The following INVS variants were observed in gnomAD, a reference collection of about 807,000 sequenced individuals.
INVS encodes the protein inversin.
INVS carries 86 observed loss-of-function variants against 108.8 expected under a neutral mutation model. The observed-to-expected ratio is 0.79, with a 90% CI of 0.66 to 0.95. The LOEUF is 0.95. Among genes scored for constraint, INVS ranks in the 40% least tolerant of loss-of-function variants. The probability of loss-of-function intolerance (pLI) is 0.00; values close to 1 mark genes in which losing one functional copy is unlikely to be tolerated. For synonymous variants in INVS, 455 were observed against 473.5 expected (o/e 0.96, Z 0.51); for missense variants, 1,169 against 1,297.4 (o/e 0.90, Z 1.52).
intron 5 of INVS, among the ~76,000 whole-genome samples, chr9:100,237,209 C>A (rs1012322818): frequency 6.6e-6 from 1 of 152,140 alleles, no homozygotes; most frequent in Non-Finnish European, 1.5e-5. Flanking sequence ...CCCCTCCCCC[C>A]ACCACGCTCA....
At position 100,292,464 on chromosome 9, in the gene INVS, C is replaced by CA. The variant is rs1208233698; in HGVS notation, c.2210dup (p.Lys739GlufsTer16). The CA allele has an allele frequency of 6.2e-7, 1 of 1,614,134 alleles. No homozygotes were observed. Among genetic ancestry groups the CA allele is most frequent in the South Asian group, 1.1e-5 (1 of 91,080 alleles). On this transcript the variant is annotated frameshift_variant, in exon 14 of 17. Coordinates refer to ENST00000262457, the MANE Select transcript of INVS (RefSeq NM_014425.5). LOFTEE classifies it high-confidence loss of function. The stretch of plus-strand genomic sequence containing the variant: ...GAGACAGCTGGCGATGAGCGGTGTG[C>CA]AAAGGGGAAAGGCTTCGTGAAGCAG...
chr9:100,242,053 T>G (rs894129339), intron 6 of INVS, among the ~76,000 whole-genome samples: 1 of 152,138 alleles, frequency 6.6e-6, no homozygotes, highest in Non-Finnish European at 1.5e-5. Context: ...TGTTATAAAA[T>G]ATAAATATAA....
chr9:100,281,514 G>GT (rs981869514), intron 12 of INVS, among the ~76,000 whole-genome samples: 4 of 152,092 alleles, frequency 2.6e-5, no homozygotes, highest in African/African-American at 9.7e-5. Flanking sequence ...ATCCCACTCC[G>GT]TTTTTTCTCA....
intron 3 of INVS, among the ~76,000 whole-genome samples, chr9:100,136,977 T>C (rs751232049): frequency 6.6e-6 from 1 of 152,058 alleles, no homozygotes; most frequent in Admixed American, 6.5e-5. Context: ...GAAGCAGTGG[T>C]TGCAGTGAGC....
At chr9:100,161,388 A>AAAAAAAAAAAAAAAAAAAAAAAAC (rs1564138793) in intron 3 of INVS, among the ~76,000 whole-genome samples, 1 of 139,100 alleles carries the variant, frequency 7.2e-6, no homozygotes, top group African/African-American at 2.9e-5. Flanking sequence ...AAAAAAAAAA[A>AAAAAAAAAAAAAAAAAAAAAAAAC]AAAACCTCAT....
intron 3 of INVS, among the ~76,000 whole-genome samples, chr9:100,192,075 G>A (rs149774882): frequency 1.5e-3 from 223 of 152,140 alleles, no homozygotes; most frequent in African/African-American, 4.3e-3. Flanking sequence ...AGGGTAGACC[G>A]CAGCCCACCA....
intron 2 of INVS, among the ~76,000 whole-genome samples, chr9:100,110,196 A>G (rs1302191186): frequency 1.3e-5 from 2 of 152,228 alleles, no homozygotes; most frequent in Non-Finnish European, 2.9e-5. Context: ...ATTAGCTAAC[A>G]TTTATAAAGT....
At chr9:100,116,577 A>G (rs376535513) in intron 2 of INVS, among the ~76,000 whole-genome samples, 3 of 152,274 alleles carry the variant, frequency 2.0e-5, no homozygotes, top group Non-Finnish European at 4.4e-5. Context: ...GATGAAATCT[A>G]ATTTATTAAT....
intron 3 of INVS, among the ~76,000 whole-genome samples, chr9:100,137,925 GT>G (rs1828280645): frequency 6.6e-6 from 1 of 152,010 alleles, no homozygotes; most frequent in Non-Finnish European, 1.5e-5. Context: ...AAACATTAAG[GT>G]TCTACTGAAT....
intron 7 of INVS, among the ~76,000 whole-genome samples, chr9:100,243,122 G>A (rs1251287914): frequency 6.6e-6 from 1 of 152,004 alleles, no homozygotes; most frequent in Non-Finnish European, 1.5e-5. Flanking sequence ...TTACTTTACT[G>A]TAAGAATACT....
intron 3 of INVS, among the ~76,000 whole-genome samples, chr9:100,177,183 A>G (rs923902681): frequency 2.0e-5 from 3 of 152,050 alleles, no homozygotes; most frequent in Admixed American, 6.6e-5. Flanking sequence ...GGTTTCAAGC[A>G]AAAAACCGGG....
intron 10 of INVS, among the ~76,000 whole-genome samples, chr9:100,257,181 T>C (rs541740572): frequency 2.0e-5 from 3 of 152,320 alleles, no homozygotes; most frequent in Admixed American, 6.5e-5. Flanking sequence ...CTTTGTCTCT[T>C]TTGATCTTTG....
chr9:100,246,109 C>T (rs1832037955), intron 7 of INVS, among the ~76,000 whole-genome samples: 1 of 149,792 alleles, frequency 6.7e-6, no homozygotes, highest in South Asian at 2.1e-4. Context: ...GCCGAGATTG[C>T]ACCACTGCAC....
intron 2 of INVS, among the ~76,000 whole-genome samples, chr9:100,115,592 G>T (rs1262181493): frequency 6.6e-6 from 1 of 152,066 alleles, no homozygotes; most frequent in African/African-American, 2.4e-5. Context: ...ATGGTTTCCA[G>T]CTTCATCCAT....
intron 3 of INVS, among the ~76,000 whole-genome samples, chr9:100,222,974 A>C (rs1831199256): frequency 6.6e-6 from 1 of 152,156 alleles, no homozygotes; most frequent in Non-Finnish European, 1.5e-5. Context: ...AAGCTCAGAA[A>C]AATGAAACAT....
intron 3 of INVS, among the ~76,000 whole-genome samples, chr9:100,209,533 G>A (rs1408832638): frequency 1.3e-5 from 2 of 152,066 alleles, no homozygotes; most frequent in Non-Finnish European, 2.9e-5. Flanking sequence ...CACTTTGGGA[G>A]GCCAAGGCGG....
chr9:100,183,918 A>T (rs1215638868), intron 3 of INVS, among the ~76,000 whole-genome samples: 1 of 151,690 alleles, frequency 6.6e-6, no homozygotes, highest in African/African-American at 2.4e-5. Context: ...TAAAACTATT[A>T]TGGAATTTAT....
chr9:100,273,676 T>C (rs1462264750), intron 12 of INVS, among the ~76,000 whole-genome samples: 1 of 151,580 alleles, frequency 6.6e-6, no homozygotes, highest in Non-Finnish European at 1.5e-5. Flanking sequence ...TAGCTGGGAC[T>C]ACAGGCGCGC....
At chr9:100,187,394 T>A (rs1830084248) in intron 3 of INVS, among the ~76,000 whole-genome samples, 1 of 152,132 alleles carries the variant, frequency 6.6e-6, no homozygotes, top group South Asian at 2.1e-4. Context: ...TGAAAAATGA[T>A]GTTGGTATTT....
Sources: allele counts gnomAD v4.1 joint callset (sites outside exome capture counted in the v4.1 genomes callset), GRCh38; gene constraint gnomAD v4.1.1; transcripts MANE v1.5; gene names NCBI Gene and HGNC (gene_info 2026-07-23, HGNC 2026-07-21).